Variants in RAD9A observed in about 807,000 individuals in gnomAD.
RAD9A encodes the protein cell cycle checkpoint control protein RAD9A.
RAD9A carries 25 observed loss-of-function variants against 41.2 expected under a neutral mutation model. The observed-to-expected ratio is 0.61, with a 90% CI of 0.44 to 0.85. The LOEUF is 0.85. Among genes scored for constraint, RAD9A ranks in the 40% least tolerant of loss-of-function variants. The pLI, the probability that RAD9A is intolerant of heterozygous loss-of-function variation, is 0.00. For missense variants in RAD9A, 514 were observed against 518.3 expected, an observed-to-expected ratio of 0.99 and a Z score of 0.08; for synonymous variants, 252 against 210.6, an observed-to-expected ratio of 1.20 and a Z score of -1.70.
rs927049397 is a variant in RAD9A, at chr11:67,392,008, T to C, written c.-37T>C. The stretch of plus-strand genomic sequence containing the variant: ...CCCGGACCCGGAGGTCGCGGAGAGC[T>C]GGGCAGTGTTGGCCGCTGGCGGAGC... On this transcript the variant is annotated 5_prime_UTR_variant, in exon 1 of 11. Coordinates refer to ENST00000307980, the MANE Select transcript of RAD9A (RefSeq NM_004584.3). The C allele has an allele frequency of 3.2e-6, 5 of 1,544,848 alleles. No homozygotes were observed. In the African/African-American group the frequency reaches 4.1e-5, roughly 13 times the overall value.
Position 67,397,726 on chromosome 11 carries a change from C to A in RAD9A, c.*167C>A. ...GCTGGCTGTCACTGTAAAGCTGTCC[C>A]ACAGCGGTCGGGCCTGGGCCGTTAT... On this transcript the variant is annotated 3_prime_UTR_variant, in exon 11 of 11. Transcript: ENST00000307980. 2 of 669,580 alleles carry A rather than the reference C, an allele frequency of 3.0e-6. No homozygotes were observed. Among genetic ancestry groups the A allele is most frequent in the South Asian group, 3.8e-5 (2 of 52,148 alleles). 41.5% of individuals were successfully genotyped at this position (669,580 alleles called of 1,614,324 possible).
chr11:67,392,262 G>GGGGGC, intron 2 of RAD9A, 31 bp downstream of exon 2: 18 of 600,764 alleles, frequency 3.0e-5, no homozygotes, highest in Non-Finnish European at 4.9e-5. Context: ...GGGCGGGTGG[G>GGGGGC]ACTCCAGCCG....
intron 9 of RAD9A, 60 bp from the exon 10 acceptor site, chr11:67,397,119 A>C: frequency 7.3e-7 from 1 of 1,368,006 alleles, no homozygotes; most frequent in South Asian, 1.2e-5. Context: ...GAGCCCTCCA[A>C]GGTGGGGCCC....
chr11:67,395,895 C>T lies in RAD9A; in HGVS notation c.560-17C>T. The T allele has an allele frequency of 6.2e-7, 1 of 1,613,900 alleles. No homozygotes were observed. Among genetic ancestry groups the T allele is most frequent in the East Asian group, 2.2e-5 (1 of 44,880 alleles). ...GAGAGGGGCGGGGCCCAGGTTACTCCTGTTCTTCCCCAACAGACAGCACTG... is the reference window on the plus strand; with the variant it reads ...GAGAGGGGCGGGGCCCAGGTTACTCTTGTTCTTCCCCAACAGACAGCACTG... On this transcript the variant is annotated splice_polypyrimidine_tract_variant and intron_variant, in intron 6 of 10. Transcript: ENST00000307980.
rs1290806312 is a variant in RAD9A, at chr11:67,397,588, G to A, written c.*29G>A. 1.9e-6 allele frequency: 3 copies of A among 1,544,858 alleles called. No individual in the cohort carries two copies. Among genetic ancestry groups the A allele is most frequent in the Non-Finnish European group, 1.8e-6 (2 of 1,123,988 alleles). On this transcript the variant is annotated 3_prime_UTR_variant, in exon 11 of 11. Coordinates refer to ENST00000307980, the MANE Select transcript of RAD9A (RefSeq NM_004584.3). Reference sequence around the variant, plus strand: ...AAGAACCTGAAGCCTGTACCCAGAGGCCTTGGACTAGACGAAGCCCCAGCC... The same window carrying A: ...AAGAACCTGAAGCCTGTACCCAGAGACCTTGGACTAGACGAAGCCCCAGCC...
At position 67,392,701 on chromosome 11, in the gene RAD9A, T is replaced by C. The variant is rs1198365649; in HGVS notation, c.153T>C (p.Phe51=). 6.2e-7 allele frequency: 1 copy of C among 1,614,046 alleles called. No homozygotes were observed. ...VNSSRSAYAC[F]LFAPLFFQQY... The stretch of plus-strand genomic sequence containing the variant: ...CCTCCCGCTCTGCCTATGCCTGCTT[T>C]CTCTTTGCCCCGCTCTTCTTCCAGC... The change falls in exon 3 of 11, where the codon TTT becomes TTC. Residue 51 remains phenylalanine (F), a synonymous_variant. Transcript: ENST00000307980.
chr11:67,395,735 C>A lies in RAD9A; in HGVS notation c.469C>A (p.Leu157Met). 6.2e-7 allele frequency: 1 copy of A among 1,609,378 alleles called. No homozygotes were observed. The change falls in exon 6 of 11, where the codon CTG becomes ATG. Residue 157 changes from leucine to methionine, a missense_variant. Physicochemically the swap from Leu to Met is conservative, Grantham distance 15. Transcript: ENST00000307980. ...TCACAGGGTTCTGGGGGAGGCTGTTCTGCCCTTCTCTCCTGCACTGGCTGA... is the reference window on the plus strand; with the variant it reads ...TCACAGGGTTCTGGGGGAGGCTGTTATGCCCTTCTCTCCTGCACTGGCTGA... The part of the protein sequence containing the change: ...APARVLGEAV[L>M]PFSPALAEVT...
Position 67,393,767 on chromosome 11 carries a change from C to T in RAD9A, c.426C>T (p.Pro142=). 6.2e-7 allele frequency: 1 copy of T among 1,610,748 alleles called. No individual in the cohort carries two copies. The highest frequency in any genetic ancestry group is 8.5e-7 in the Non-Finnish European group (1 of 1,178,990). The stretch of plus-strand genomic sequence containing the variant: ...CCGTCTTCGACCCAGCCTCGTGCCC[C>T]CACATGCTCCGCGCCCCAGCACGGT... The part of the protein sequence containing the change: ...LQAVFDPASC[P]HMLRAPARVL... The change falls in exon 5 of 11, where the codon CCC becomes CCT. Residue 142 remains proline (P), a synonymous_variant. Coordinates refer to ENST00000307980, the MANE Select transcript of RAD9A (RefSeq NM_004584.3).
At chr11:67,392,258 G>GGGGGT in intron 2 of RAD9A, 27 bp downstream of exon 2, 1 of 1,319,214 alleles carries the variant, frequency 7.6e-7, no homozygotes, top group Non-Finnish European at 1.1e-6. Context: ...TGGGGGGCGG[G>GGGGGT]TGGGACTCCA....
rs199689239 is a variant in RAD9A, at chr11:67,393,780, G to T, written c.439G>T (p.Ala147Ser). 5 of 1,606,290 alleles carry T rather than the reference G, an allele frequency of 3.1e-6. No individual in the cohort carries two copies. Among genetic ancestry groups the T allele is most frequent in the Non-Finnish European group, 8.5e-7 (1 of 1,176,844 alleles). Reference sequence around the variant, plus strand: ...AGCCTCGTGCCCCCACATGCTCCGCGCCCCAGCACGGTGAGCACACCCCTG... The same window carrying T: ...AGCCTCGTGCCCCCACATGCTCCGCTCCCCAGCACGGTGAGCACACCCCTG... ...DPASCPHMLRAPARVLGEAVL... is the reference protein window; with the variant it reads ...DPASCPHMLRSPARVLGEAVL... Residue 147 changes from alanine (A) to serine (S), a missense_variant, in exon 5 of 11, where the codon GCC becomes TCC. This residue lies in a region of RAD9A where 268 missense variants were observed against 279.3 expected (regional missense o/e 0.96). Coordinates refer to ENST00000307980, the MANE Select transcript of RAD9A (RefSeq NM_004584.3).
At position 67,395,843 on chromosome 11, in the gene RAD9A, G is replaced by C; in HGVS notation, c.559+18G>C. The stretch of plus-strand genomic sequence containing the variant: ...GGAGGCAGGTGAGGGGGCTGGACGT[G>C]GCCTGGGACAGCAGAGTGGCAGGTG... On this transcript the variant is annotated intron_variant, in intron 6 of 10. Coordinates refer to ENST00000307980, the MANE Select transcript of RAD9A (RefSeq NM_004584.3). The C allele has an allele frequency of 3.1e-6, 5 of 1,613,382 alleles. No homozygotes were observed. Among genetic ancestry groups the C allele is most frequent in the Non-Finnish European group, 4.2e-6 (5 of 1,179,708 alleles).
intron 3 of RAD9A, 33 bp from the exon 4 acceptor site, chr11:67,393,463 T>G (rs201056207): frequency 6.2e-7 from 1 of 1,610,092 alleles, no homozygotes; most frequent in East Asian, 2.2e-5. Context: ...TGCAGAGATG[T>G]GATGCTAGGC....
Position 67,397,273 on chromosome 11 carries a change from C to A in RAD9A, c.967C>A (p.Pro323Thr). The A allele has an allele frequency of 6.2e-7, 1 of 1,608,838 alleles. No homozygotes were observed. The highest frequency in any genetic ancestry group is 8.5e-7 in the Non-Finnish European group (1 of 1,176,078). The change falls in exon 10 of 11, where the codon CCC (proline) becomes ACC (threonine). Residue 323 changes from proline to threonine, a missense_variant. Physicochemically the swap from Pro to Thr is conservative, Grantham distance 38. Transcript: ENST00000307980. ...AGGCAATGAGGGCTCGCGGGTGCTG[C>A]CCTCCATTTCCCTTTCACCTGGCCC... ...TIGNEGSRVLPSISLSPGPQP... is the reference protein window; with the variant it reads ...TIGNEGSRVLTSISLSPGPQP...
intron 5 of RAD9A, chr11:67,395,389 G>A (rs1299500622): frequency 3.0e-6 from 1 of 332,606 alleles, no homozygotes; most frequent in Non-Finnish European, 5.5e-6. Context: ...ACAATTTCCA[G>A]ATGTGATTTC....
chr11:67,394,598 T>TCCTTG (rs2134949157), intron 5 of RAD9A, among the ~76,000 whole-genome samples: 1 of 152,032 alleles, frequency 6.6e-6, no homozygotes, highest in South Asian at 2.1e-4. Flanking sequence ...GGGGGCCAAT[T>TCCTTG]CCTTGGTCTG....
Position 67,398,383 on chromosome 11 carries a change from G to GATTC in RAD9A, c.*828_*831dup. 1 of 761,644 alleles carries GATTC rather than the reference G, an allele frequency of 1.3e-6. No homozygotes were observed. The highest frequency in any genetic ancestry group is 1.8e-5 in the African/African-American group (1 of 56,830). 47.2% of individuals were successfully genotyped at this position (761,644 alleles called of 1,614,324 possible). A position where few individuals can be genotyped will look rare whatever the true frequency, so the allele number is the denominator to read the frequency against. The stretch of plus-strand genomic sequence containing the variant: ...CCCTGGGGGACTGGACGCTGCTATT[G>GATTC]ATTCATTAAAAAAAGAAAAGAAAAA... On this transcript the variant is annotated 3_prime_UTR_variant, in exon 11 of 11. Coordinates refer to ENST00000307980, the MANE Select transcript of RAD9A (RefSeq NM_004584.3).
At chr11:67,396,797 A>G (rs1249153589) in intron 9 of RAD9A, among the ~76,000 whole-genome samples, 1 of 152,110 alleles carries the variant, frequency 6.6e-6, no homozygotes, top group Non-Finnish European at 1.5e-5. Context: ...CAGCACAGGA[A>G]GTTGGGGCTG....
chr11:67,393,010 G>C (rs1454641439), intron 3 of RAD9A: 4 of 609,832 alleles, frequency 6.6e-6, no homozygotes, highest in African/African-American at 5.6e-5. Context: ...GGCCGGGCGC[G>C]GTGGCTCACG....
chr11:67,396,433 C>T, intron 9 of RAD9A, 33 bp downstream of exon 9: 1 of 1,609,944 alleles, frequency 6.2e-7, no homozygotes, highest in South Asian at 1.1e-5. Context: ...CCTCCTCTCT[C>T]CATGTCTGTG....
Sources: gnomAD v4.1 joint callset for allele counts (sites outside exome capture counted in the v4.1 genomes callset) on GRCh38, gnomAD v4.1.1 for gene constraint, gnomAD v4.1.1 regional missense constraint, MANE v1.5 for transcripts, NCBI Gene and HGNC (gene_info 2026-07-23, HGNC 2026-07-21) for gene names.